The following ASIC2 variants were observed in gnomAD, a reference collection of about 807,000 sequenced individuals.
ASIC2 encodes the protein acid sensing ion channel subunit 2.
Under a neutral mutation model 57.3 loss-of-function variants are expected in ASIC2, and 25 were observed. The ratio of observed to expected loss-of-function variants is 0.44; its 90% CI spans 0.32 to 0.61. The LOEUF is 0.61. Among genes scored for constraint, ASIC2 ranks in the 20% least tolerant of loss-of-function variants. The pLI, the probability that ASIC2 is intolerant of heterozygous loss-of-function variation, is 0.06. For missense variants in ASIC2, 641 were observed against 738.1 expected (o/e 0.87, Z 1.52); for synonymous variants, 319 against 307.5 (o/e 1.04, Z -0.39).
chr17:33,414,375 AG>A, intron 1 of ASIC2, among the ~76,000 whole-genome samples: 1 of 152,304 alleles, frequency 6.6e-6, no homozygotes, highest in East Asian at 1.9e-4. Flanking sequence ...GGGATGTTCT[AG>A]GTTGGCAGGT....
chr17:33,506,412 C>CA (rs71144886), intron 1 of ASIC2, among the ~76,000 whole-genome samples: 6,053 of 66,632 alleles, frequency 0.091, 200 homozygotes, highest in African/African-American at 0.15. Flanking sequence ...GACTCCGTCT[C>CA]AAAAAAAAAA....
At chr17:33,156,863 TATC>T (rs1162944054) in intron 1 of ASIC2, among the ~76,000 whole-genome samples, 9 of 152,256 alleles carry the variant, frequency 5.9e-5, no homozygotes, top group African/African-American at 2.2e-4. Context: ...GAATATTGGA[TATC>T]ATGATTTTAA....
At chr17:33,201,982 A>C (rs1204773150) in intron 1 of ASIC2, among the ~76,000 whole-genome samples, 1 of 149,934 alleles carries the variant, frequency 6.7e-6, no homozygotes, top group East Asian at 1.9e-4. Context: ...CAGTGGACCA[A>C]GATCATGCCA....
chr17:33,908,879 C>T (rs771611557), intron 1 of ASIC2, among the ~76,000 whole-genome samples: 14 of 152,176 alleles, frequency 9.2e-5, no homozygotes, highest in Non-Finnish European at 1.6e-4. Flanking sequence ...TTATTAATCC[C>T]TGGTGAACTG....
At chr17:33,102,853 G>C (rs183059323) in intron 2 of ASIC2, among the ~76,000 whole-genome samples, 1 of 152,102 alleles carries the variant, frequency 6.6e-6, no homozygotes, top group Non-Finnish European at 1.5e-5. Context: ...GCATGATCTC[G>C]GCTCACTGCA....
intron 1 of ASIC2, among the ~76,000 whole-genome samples, chr17:33,919,535 TA>T (rs1366747762): frequency 6.6e-6 from 1 of 152,132 alleles, no homozygotes; most frequent in African/African-American, 2.4e-5. Flanking sequence ...ATTAAAGATG[TA>T]AATGTAAGAC....
chr17:33,693,257 A>G (rs549727125), intron 1 of ASIC2, among the ~76,000 whole-genome samples: 2 of 152,360 alleles, frequency 1.3e-5, no homozygotes, highest in Admixed American at 6.5e-5. Flanking sequence ...TTTTGTTTCA[A>G]AAACAATCTG....
intron 1 of ASIC2, among the ~76,000 whole-genome samples, chr17:33,684,319 G>C (rs960899536): frequency 2.0e-5 from 3 of 151,830 alleles, no homozygotes; most frequent in Non-Finnish European, 4.4e-5. Flanking sequence ...CCCGACCCTG[G>C]GGTGGGGAGG....
chr17:33,668,110 G>C (rs1056387791), intron 1 of ASIC2, among the ~76,000 whole-genome samples: 1 of 152,092 alleles, frequency 6.6e-6, no homozygotes, highest in African/African-American at 2.4e-5. Context: ...CCGCGCTGGC[G>C]TGTCTGGAAC....
rs1469289518 is a variant in ASIC2 at position 33,318,792 on chromosome 17, A to C, written c.556-206725T>G. Among the ~76,000 whole-genome samples the C allele has an allele frequency of 9.2e-5, 14 of 152,242 alleles. No individual in the cohort carries two copies. The South Asian group carries it at 2.3e-3, about 25-fold the overall frequency. On this transcript the variant is annotated intron_variant, in intron 1 of 9. Transcript: ENST00000359872. ...ACAATGGTTGGGGACAGCTGCATTG[A>C]GCAGGAAAGAGGACACAAGAAGGCC...
chr17:33,830,406 G>A (rs1913066268), intron 1 of ASIC2, among the ~76,000 whole-genome samples: 1 of 152,040 alleles, frequency 6.6e-6, no homozygotes, highest in Middle Eastern at 3.2e-3. Context: ...CATGATGTTA[G>A]CGGGATGGGG....
chr17:33,070,341 CT>C (rs56177718), intron 3 of ASIC2, among the ~76,000 whole-genome samples: 29 of 143,116 alleles, frequency 2.0e-4, no homozygotes, highest in Non-Finnish European at 2.4e-4. Context: ...TTCGCCATTA[CT>C]TTTTTTTTTT....
chr17:33,464,470 T>G (rs1382372957), intron 1 of ASIC2, among the ~76,000 whole-genome samples: 3 of 87,058 alleles, frequency 3.4e-5, no homozygotes, highest in African/African-American at 1.7e-4. Flanking sequence ...TTTCTTTCTT[T>G]CTTTCTTTTC....
At chr17:33,278,522 A>G (rs755044328) in intron 1 of ASIC2, among the ~76,000 whole-genome samples, 193 of 151,944 alleles carry the variant, frequency 1.3e-3, no homozygotes, top group Admixed American at 1.2e-3. Flanking sequence ...CTTCTCCCCT[A>G]TAAATTCTGA....
intron 1 of ASIC2, among the ~76,000 whole-genome samples, chr17:33,724,215 G>A (rs180837521): frequency 1.0e-3 from 153 of 152,202 alleles, no homozygotes; most frequent in African/African-American, 2.6e-3. Flanking sequence ...TGATTACGAG[G>A]CCTCCCCAGC....
At chr17:33,697,145 A>G (rs1908554325) in intron 1 of ASIC2, among the ~76,000 whole-genome samples, 1 of 152,126 alleles carries the variant, frequency 6.6e-6, no homozygotes, top group African/African-American at 2.4e-5. Flanking sequence ...CCATTATTGT[A>G]TGTTTCCTGA....
intron 1 of ASIC2, among the ~76,000 whole-genome samples, chr17:33,277,511 C>A (rs969237935): frequency 2.6e-5 from 4 of 152,186 alleles, no homozygotes; most frequent in Non-Finnish European, 4.4e-5. Context: ...AAGTTCTCTG[C>A]GGAACACAAT....
intron 1 of ASIC2, among the ~76,000 whole-genome samples, chr17:34,136,724 CGT>C (rs1179851291): frequency 1.3e-5 from 2 of 152,198 alleles, no homozygotes; most frequent in African/African-American, 2.4e-5. Context: ...ACCTTGGGTA[CGT>C]GTTCTCAAGA....
chr17:33,212,459 A>G (rs1016941462), intron 1 of ASIC2, among the ~76,000 whole-genome samples: 5 of 152,236 alleles, frequency 3.3e-5, no homozygotes, highest in Non-Finnish European at 5.9e-5. Flanking sequence ...AGAAGGGGCC[A>G]GCCCTGCTCA....
Sources: allele counts gnomAD v4.1 joint callset (sites outside exome capture counted in the v4.1 genomes callset), GRCh38; gene constraint gnomAD v4.1.1; transcripts MANE v1.5; gene names NCBI Gene and HGNC (gene_info 2026-07-23, HGNC 2026-07-21).